RIN3: variants seen among roughly 807,000 people sequenced by gnomAD.
The protein encoded by RIN3 is RAB5 interacting protein 3.
RIN3 carries 54 observed loss-of-function variants against 76.3 expected under a neutral mutation model. The observed-to-expected ratio is 0.71, with a 90% CI of 0.57 to 0.89. The LOEUF (loss-of-function observed/expected upper bound fraction) is 0.89. Ranked by LOEUF, RIN3 falls within the 40% of genes least tolerant of loss-of-function variation. RIN3 has a pLI of 0.00. For missense variants in RIN3, 1,256 were observed against 1,322.1 expected (o/e 0.95, Z 0.78); for synonymous variants, 576 against 564.0 (o/e 1.02, Z -0.30).
At chr14:92,577,516 GGCA>G (rs148870263) in intron 3 of RIN3, 39 bp downstream of exon 3, 818 of 1,305,346 alleles carry the variant, frequency 6.3e-4, no homozygotes, top group Middle Eastern at 1.8e-3. Flanking sequence ...TTGACCACGC[GGCA>G]GCAGCAGCAG....
chr14:92,532,638 C>T (rs1171375637), intron 1 of RIN3, among the ~76,000 whole-genome samples: 2 of 152,170 alleles, frequency 1.3e-5, no homozygotes, highest in Non-Finnish European at 2.9e-5. Flanking sequence ...GTCCCCCACT[C>T]AACCCCAGAT....
chr14:92,538,079 C>G (rs1363015216), intron 1 of RIN3, among the ~76,000 whole-genome samples: 1 of 151,392 alleles, frequency 6.6e-6, no homozygotes, highest in Non-Finnish European at 1.5e-5. Flanking sequence ...CCTGCCTCGG[C>G]CTCCCAAAGT....
At chr14:92,679,502 C>T (rs1030723339) in intron 8 of RIN3, among the ~76,000 whole-genome samples, 1 of 152,222 alleles carries the variant, frequency 6.6e-6, no homozygotes, top group Non-Finnish European at 1.5e-5. Flanking sequence ...TCTAGATGAC[C>T]TTGGGGCTCT....
intron 1 of RIN3, among the ~76,000 whole-genome samples, chr14:92,521,684 G>T (rs1009675254): frequency 6.6e-6 from 1 of 152,144 alleles, no homozygotes; most frequent in Admixed American, 6.5e-5. Flanking sequence ...TTCTCATACA[G>T]CCTGCAGAAC....
At chr14:92,545,037 T>G (rs1897225268) in intron 1 of RIN3, among the ~76,000 whole-genome samples, 1 of 151,968 alleles carries the variant, frequency 6.6e-6, no homozygotes, top group African/African-American at 2.4e-5. Context: ...TTTGCTTATT[T>G]CACTCATTAG....
At chr14:92,548,870 A>C (rs943666) in intron 1 of RIN3, among the ~76,000 whole-genome samples, 59,798 of 151,862 alleles carry the variant, frequency 0.39, 11,962 homozygotes, top group East Asian at 0.6. Flanking sequence ...ACACAATTCA[A>C]CCTCTGAGGT....
intron 7 of RIN3, among the ~76,000 whole-genome samples, chr14:92,668,978 A>G (rs1365043532): frequency 6.6e-6 from 1 of 152,238 alleles, no homozygotes; most frequent in African/African-American, 2.4e-5. Context: ...TCAACCGTTC[A>G]ACAAACTTTT....
chr14:92,680,353 T>C (rs6575274), intron 8 of RIN3, among the ~76,000 whole-genome samples: 87,276 of 151,782 alleles, frequency 0.58, 25,333 homozygotes, highest in East Asian at 0.77. Context: ...GCCTGCGCCA[T>C]CACACCTGGC....
chr14:92,612,469 G>C (rs111922551), intron 3 of RIN3, among the ~76,000 whole-genome samples: 1 of 152,226 alleles, frequency 6.6e-6, no homozygotes, highest in Non-Finnish European at 1.5e-5. Context: ...CATCAGCCAC[G>C]TGGTAAGAGG....
chr14:92,515,746 A>G (rs931509348), intron 1 of RIN3, among the ~76,000 whole-genome samples: 1 of 152,238 alleles, frequency 6.6e-6, no homozygotes, highest in Non-Finnish European at 1.5e-5. Context: ...GTTCATAGCT[A>G]AGTAGCTGCC....
chr14:92,597,632 T>C (rs1885197366), intron 3 of RIN3, among the ~76,000 whole-genome samples: 1 of 151,830 alleles, frequency 6.6e-6, no homozygotes, highest in Admixed American at 6.6e-5. Context: ...ACCCTTGGAG[T>C]GGGGTAGATT....
At position 92,685,059 on chromosome 14, in the gene RIN3, G is replaced by A. The variant is rs1404647822; in HGVS notation, c.2540G>A (p.Arg847Gln). ...IKSYDKITVTRQLSVEVQDSI... is the reference protein window; with the variant it reads ...IKSYDKITVTQQLSVEVQDSI... Reference sequence around the variant, plus strand: ...AGCTACGACAAGATCACGGTGACCCGGCAGCTGAGTGTGGAGGTGCAGGAC... The same window carrying A: ...AGCTACGACAAGATCACGGTGACCCAGCAGCTGAGTGTGGAGGTGCAGGAC... Residue 847 changes from arginine to glutamine, a missense_variant, in exon 9 of 10, where the codon CGG (arginine) becomes CAG (glutamine). By Grantham distance (43) the Arg-to-Gln change is conservative. Coordinates refer to ENST00000216487, the MANE Select transcript of RIN3 (RefSeq NM_024832.5). The surrounding 1 kb of genome is among the most constrained non-coding windows in gnomAD (Gnocchi z 4.7). The A allele has an allele frequency of 6.8e-6, 11 of 1,613,880 alleles. No homozygotes were observed. Among genetic ancestry groups the A allele is most frequent in the East Asian group, 2.2e-5 (1 of 44,896 alleles).
intron 3 of RIN3, among the ~76,000 whole-genome samples, chr14:92,578,370 G>C (rs1898324148): frequency 6.6e-6 from 1 of 152,100 alleles, no homozygotes; most frequent in South Asian, 2.1e-4. Flanking sequence ...TGTTCTGGTA[G>C]TACAATGTCA....
chr14:92,562,320 T>A (rs747081794), intron 2 of RIN3, among the ~76,000 whole-genome samples: 1 of 151,888 alleles, frequency 6.6e-6, no homozygotes, highest in Non-Finnish European at 1.5e-5. Flanking sequence ...GTTCTTAGGG[T>A]TTCTGTACTT....
At position 92,685,252 on chromosome 14, in the gene RIN3, C is replaced by CAGGT; in HGVS notation, c.2631+102_2631+103insAGGT. On this transcript the variant is annotated intron_variant, in intron 9 of 9. Transcript: ENST00000216487. This position sits in a 1 kb window ranked among gnomAD's most constrained non-coding sequence, Gnocchi z 4.7. ...CGTGACATCACCTGGCTGCTCCAGC[C>CAGGT]GCCCAGCCCTGCCTTAGGGGAGCAG... The CAGGT allele has an allele frequency of 1.6e-6, 2 of 1,283,368 alleles. No homozygotes were observed. The highest frequency in any genetic ancestry group is 2.1e-6 in the Non-Finnish European group (2 of 942,922). 79.5% of individuals were successfully genotyped at this position (1,283,368 alleles called of 1,614,324 possible).
intron 2 of RIN3, among the ~76,000 whole-genome samples, chr14:92,565,084 T>A (rs555303544): frequency 4.0e-4 from 61 of 152,336 alleles, no homozygotes; most frequent in Middle Eastern, 3.4e-3. Context: ...CTTGTCTCCC[T>A]GTGTTCCCTC....
chr14:92,687,685 G>A (rs527517600), intron 9 of RIN3: 18 of 512,620 alleles, frequency 3.5e-5, no homozygotes, highest in African/African-American at 3.5e-4. Context: ...CCTCTTTGCA[G>A]GGACTCCGAG....
At chr14:92,526,020 T>G (rs1595388844) in intron 1 of RIN3, among the ~76,000 whole-genome samples, 1 of 151,092 alleles carries the variant, frequency 6.6e-6, no homozygotes, top group African/African-American at 2.4e-5. Context: ...GTGGTGGGGG[T>G]GGAGGGGCTG....
rs1037297182 is a variant in RIN3 at position 92,547,046 on chromosome 14, T to A, written c.45-8705T>A. Reference sequence around the variant, plus strand: ...ATAATTATTATTTTATTTTATTTTATTATAATAAAATAAATTATATTTTAT... The same window carrying A: ...ATAATTATTATTTTATTTTATTTTAATATAATAAAATAAATTATATTTTAT... On this transcript the variant is annotated intron_variant, in intron 1 of 9. Transcript: ENST00000216487. Among the ~76,000 whole-genome samples the A allele has an allele frequency of 1.6e-5, 2 of 128,858 alleles. 1 individual carries two copies. The highest frequency in any genetic ancestry group is 3.4e-5 in the Non-Finnish European group (2 of 58,214). The allele number at this position is 128,858 out of a possible 152,430, so 84.5% of individuals were successfully genotyped here. A position where few individuals can be genotyped will look rare whatever the true frequency, so the allele number is the denominator to read the frequency against.
Sources: allele counts gnomAD v4.1 joint callset (sites outside exome capture counted in the v4.1 genomes callset), GRCh38; gene constraint gnomAD v4.1.1; non-coding constraint Gnocchi (gnomAD v3.1); transcripts MANE v1.5; gene names NCBI Gene and HGNC (gene_info 2026-07-23, HGNC 2026-07-21).